The following OPCML variants were observed in gnomAD, a reference collection of about 807,000 sequenced individuals.
OPCML encodes the protein opioid-binding protein/cell adhesion molecule.
A neutral mutation model predicts 37.8 loss-of-function variants in OPCML; 13 were observed. The ratio of observed to expected loss-of-function variants is 0.34; its 90% CI spans 0.22 to 0.55. OPCML has a LOEUF of 0.55. OPCML is among the 20% of genes least tolerant of loss of function. The pLI is 0.91. For missense variants in OPCML, 341 were observed against 435.6 expected, an observed-to-expected ratio of 0.78 and a Z score of 1.93; for synonymous variants, 176 against 168.8, an observed-to-expected ratio of 1.04 and a Z score of -0.33.
At chr11:133,240,233 A>AG (rs1565523830) in intron 1 of OPCML, among the ~76,000 whole-genome samples, 1 of 151,604 alleles carries the variant, frequency 6.6e-6, no homozygotes, top group Non-Finnish European at 1.5e-5. Context: ...AAAAAAAAAA[A>AG]AACAGAGGGG....
intron 1 of OPCML, among the ~76,000 whole-genome samples, chr11:133,209,514 C>T (rs900713684): frequency 6.6e-6 from 1 of 152,220 alleles, no homozygotes; most frequent in African/African-American, 2.4e-5. Context: ...GACAACCTAT[C>T]ATTCTTCAGA....
intron 1 of OPCML, among the ~76,000 whole-genome samples, chr11:133,013,408 T>C (rs1387664565): frequency 6.6e-6 from 1 of 152,190 alleles, no homozygotes; most frequent in Non-Finnish European, 1.5e-5. Context: ...TAAATGAAAC[T>C]CAGTACCGCA....
intron 2 of OPCML, among the ~76,000 whole-genome samples, chr11:132,858,594 G>C (rs1272427190): frequency 6.6e-6 from 1 of 152,158 alleles, no homozygotes; most frequent in African/African-American, 2.4e-5. Context: ...CTTCCCGGGG[G>C]GTGAGGAGAA....
rs954376530 is a variant in OPCML, at chr11:133,195,639, T to A, written c.62-252629A>T. ...AATTAGCATGGGAAGAAGTATAGGA[T>A]TAAAAGTTATCATGGAAGTGGTCTT... On this transcript the variant is annotated intron_variant, in intron 1 of 7. Transcript: ENST00000524381. 3.9e-5 allele frequency among the ~76,000 whole-genome samples: 6 copies of A among 152,208 alleles called. No homozygotes were observed. In the East Asian group the frequency reaches 1.2e-3, roughly 29 times the overall value.
At chr11:133,251,435 G>A (rs956069586) in intron 1 of OPCML, among the ~76,000 whole-genome samples, 1 of 151,832 alleles carries the variant, frequency 6.6e-6, no homozygotes, top group African/African-American at 2.4e-5. Context: ...ACAATCGCAG[G>A]TTCTCTCTGT....
chr11:133,289,166 G>A (rs1368888481), intron 1 of OPCML, among the ~76,000 whole-genome samples: 4 of 152,146 alleles, frequency 2.6e-5, no homozygotes, highest in Non-Finnish European at 4.4e-5. Flanking sequence ...GGATTAGGTT[G>A]ATACCATTTG....
rs2095936984 is a variant in OPCML, at chr11:132,415,903, G to A, written c.*4290C>T. 6.6e-6 allele frequency: 1 copy of A among 152,568 alleles called. No individual in the cohort carries two copies. The highest frequency in any genetic ancestry group is 2.1e-4 in the South Asian group (1 of 4,826). 9.5% of individuals were successfully genotyped at this position (152,568 alleles called of 1,614,324 possible). ...TTTGTTTGCATGTGGTGATCATTAG[G>A]CGTTCTCATCATATGGTCTCTTTTT... On this transcript the variant is annotated 3_prime_UTR_variant, in exon 8 of 8. Coordinates refer to ENST00000524381, the MANE Select transcript of OPCML (RefSeq NM_001012393.5).
chr11:132,469,664 G>T (rs1448021395), intron 4 of OPCML, among the ~76,000 whole-genome samples: 1 of 134,566 alleles, frequency 7.4e-6, no homozygotes, highest in African/African-American at 2.8e-5. Context: ...GTGTGTGGGG[G>T]TGTATGTGTG....
intron 4 of OPCML, among the ~76,000 whole-genome samples, chr11:132,441,269 G>A (rs1365118655): frequency 7.2e-6 from 1 of 138,726 alleles, no homozygotes; most frequent in African/African-American, 2.9e-5. Flanking sequence ...CCGGGTTCAC[G>A]CCATTCTCCT....
intron 2 of OPCML, among the ~76,000 whole-genome samples, chr11:132,707,109 G>T (rs1313838809): frequency 6.6e-6 from 1 of 152,164 alleles, no homozygotes; most frequent in African/African-American, 2.4e-5. Context: ...AAAATAGTCA[G>T]ATACTGTTTC....
chr11:132,925,662 T>G (rs1472489086), intron 2 of OPCML, among the ~76,000 whole-genome samples: 2 of 152,296 alleles, frequency 1.3e-5, no homozygotes. Flanking sequence ...ACTCCAGGGG[T>G]AGTTTCTGGG....
At chr11:133,004,517 G>A in intron 1 of OPCML, 2 of 985,446 alleles carry the variant, frequency 2.0e-6, no homozygotes, top group Non-Finnish European at 2.4e-6. Flanking sequence ...AGACGACCGA[G>A]GTCGGCCTTG....
At chr11:133,062,481 G>A (rs1328158585) in intron 1 of OPCML, among the ~76,000 whole-genome samples, 1 of 152,184 alleles carries the variant, frequency 6.6e-6, no homozygotes, top group Non-Finnish European at 1.5e-5. Flanking sequence ...TCATTTAATA[G>A]AACCGAGGCT....
chr11:132,523,113 G>T (rs992753470), intron 4 of OPCML, among the ~76,000 whole-genome samples: 1 of 152,114 alleles, frequency 6.6e-6, no homozygotes, highest in Non-Finnish European at 1.5e-5. Context: ...CACCCTGCTG[G>T]CCAAGCTGAT....
At chr11:133,288,254 C>T (rs1018705995) in intron 1 of OPCML, among the ~76,000 whole-genome samples, 2 of 152,210 alleles carry the variant, frequency 1.3e-5, no homozygotes, top group African/African-American at 2.4e-5. Context: ...CTCCTGTTCT[C>T]TCTGTGGATC....
chr11:132,516,065 G>GT (rs2137213472), intron 4 of OPCML, among the ~76,000 whole-genome samples: 1 of 151,748 alleles, frequency 6.6e-6, no homozygotes, highest in African/African-American at 2.4e-5. Context: ...TAGGTCTCCA[G>GT]TAAAAAAAAG....
intron 1 of OPCML, among the ~76,000 whole-genome samples, chr11:133,287,479 C>A (rs1329502097): frequency 1.3e-5 from 2 of 148,992 alleles, no homozygotes; most frequent in African/African-American, 4.9e-5. Context: ...GGCTCATGCC[C>A]ACCAGACCGG....
intron 2 of OPCML, among the ~76,000 whole-genome samples, chr11:132,925,396 G>T (rs745475105): frequency 1.4e-4 from 21 of 152,170 alleles, no homozygotes; most frequent in African/African-American, 1.9e-4. Flanking sequence ...ATGTAATTAG[G>T]CTGTGGGAAA....
intron 4 of OPCML, among the ~76,000 whole-genome samples, chr11:132,511,694 C>G (rs1393409155): frequency 6.6e-6 from 1 of 151,850 alleles, no homozygotes; most frequent in Non-Finnish European, 1.5e-5. Flanking sequence ...AACTGTAGAG[C>G]TGTATGGAAA....
Sources: allele counts gnomAD v4.1 joint callset (sites outside exome capture counted in the v4.1 genomes callset), GRCh38; gene constraint gnomAD v4.1.1; transcripts MANE v1.5; gene names NCBI Gene and HGNC (gene_info 2026-07-23, HGNC 2026-07-21).